The following NHERF2 variants were observed in gnomAD, a reference collection of about 807,000 sequenced individuals.
NHERF2 encodes the protein Na(+)/H(+) exchange regulatory cofactor NHE-RF2.
At chr16:2,038,249 GAGAC>G in the NHERF2 span, 7 of 578,254 alleles carry the variant, frequency 1.2e-5, no homozygotes, top group African/African-American at 7.5e-5. Flanking sequence ...GACACAGAGA[GAGAC>G]AGAGAGAGAG....
the NHERF2 span, chr16:2,035,959 C>G: frequency 8.3e-6 from 2 of 240,878 alleles, no homozygotes; most frequent in Non-Finnish European, 1.6e-5. Flanking sequence ...GGGGGACGCA[C>G]AGGCAGAGCC....
the NHERF2 span, among the ~76,000 whole-genome samples, chr16:2,028,294 T>G: frequency 6.6e-6 from 1 of 152,324 alleles, no homozygotes; most frequent in East Asian, 1.9e-4. Flanking sequence ...GAGTGTCTGC[T>G]GTGTAAGGTT....
At chr16:2,033,438 G>C in the NHERF2 span, 1 of 1,521,548 alleles carries the variant, frequency 6.6e-7, no homozygotes, top group Non-Finnish European at 8.8e-7. Flanking sequence ...TACAGGTCAG[G>C]TGGGGTGGGA....
the NHERF2 span, chr16:2,038,288 G>A: frequency 1.8e-6 from 1 of 543,412 alleles, no homozygotes; most frequent in Non-Finnish European, 3.4e-6. Context: ...GCAGCCGCGG[G>A]GCGAGGGCCT....
chr16:2,029,868 C>T, the NHERF2 span: 4 of 1,219,126 alleles, frequency 3.3e-6, no homozygotes, highest in African/African-American at 1.5e-5. Context: ...CCTTTGGTCA[C>T]CTCCAGAAGT....
chr16:2,037,667 G>C, the NHERF2 span: 20 of 1,576,726 alleles, frequency 1.3e-5, no homozygotes, highest in Non-Finnish European at 1.7e-5. Context: ...AGGCGTCTGT[G>C]GAGATGTCAG....
the NHERF2 span, chr16:2,036,484 C>G: frequency 6.3e-7 from 1 of 1,595,078 alleles, no homozygotes; most frequent in Non-Finnish European, 8.5e-7. Context: ...GGCCTCCGCG[C>G]CCAGGACCGG....
the NHERF2 span, among the ~76,000 whole-genome samples, chr16:2,034,650 AAC>A: frequency 1.1e-3 from 44 of 41,568 alleles, no homozygotes; most frequent in Admixed American, 9.9e-4. Context: ...TCCCCTCCCG[AAC>A]TGGACTCCTG....
the NHERF2 span, among the ~76,000 whole-genome samples, chr16:2,031,224 G>A: frequency 2.0e-5 from 3 of 152,226 alleles, no homozygotes; most frequent in Non-Finnish European, 1.5e-5. Flanking sequence ...TGTGGGACCC[G>A]TTTTGTTCCT....
At chr16:2,032,610 G>T in the NHERF2 span, among the ~76,000 whole-genome samples, 1 of 152,250 alleles carries the variant, frequency 6.6e-6, no homozygotes, top group Non-Finnish European at 1.5e-5. The surrounding 1 kb of genome is among the most constrained non-coding windows in gnomAD (Gnocchi z 4.0). Flanking sequence ...GTGGCTCTCA[G>T]TGTCCTCTGT....
the NHERF2 span, chr16:2,036,732 A>G: frequency 6.2e-7 from 1 of 1,611,914 alleles, no homozygotes; most frequent in Non-Finnish European, 8.5e-7. Flanking sequence ...CGGCAGGTGA[A>G]CGGGCAGAAT....
chr16:2,036,993 G>A, the NHERF2 span: 24 of 1,550,462 alleles, frequency 1.5e-5, no homozygotes, highest in Admixed American at 7.8e-5. Context: ...AACCAGCCCT[G>A]CCCAGGTAAG....
At chr16:2,027,093 G>C in the NHERF2 span, 4 of 1,460,246 alleles carry the variant, frequency 2.7e-6, no homozygotes, top group Non-Finnish European at 3.6e-6. Context: ...CGGCGAGAAG[G>C]GCCGCCGCGG....
the NHERF2 span, chr16:2,036,345 G>A: frequency 5.6e-6 from 9 of 1,610,364 alleles, no homozygotes; most frequent in East Asian, 2.2e-5. Context: ...GCCCCTGAGG[G>A]AGCTGCGCCC....
At chr16:2,036,999 G>A in the NHERF2 span, 2 of 1,550,136 alleles carry the variant, frequency 1.3e-6, no homozygotes, top group East Asian at 2.4e-5. Flanking sequence ...CCCTGCCCAG[G>A]TAAGAGGGTG....
the NHERF2 span, among the ~76,000 whole-genome samples, chr16:2,034,927 C>G: frequency 6.6e-6 from 1 of 152,240 alleles, no homozygotes; most frequent in Non-Finnish European, 1.5e-5. Context: ...CCTGTGCCAC[C>G]AGGTGTGTCT....
the NHERF2 span, among the ~76,000 whole-genome samples, chr16:2,034,916 G>A: frequency 1.3e-5 from 2 of 152,316 alleles, no homozygotes; most frequent in Admixed American, 6.5e-5. Context: ...GAAGCCCCAC[G>A]CCTGTGCCAC....
At chr16:2,033,123 G>A in the NHERF2 span, 2 of 1,399,162 alleles carry the variant, frequency 1.4e-6, no homozygotes, top group East Asian at 5.4e-5. Context: ...TTCCTTTCTT[G>A]GGACGGAAGC....
the NHERF2 span, chr16:2,038,400 A>ACCCC: frequency 3.0e-6 from 1 of 334,708 alleles, no homozygotes; most frequent in Admixed American, 4.9e-5. Context: ...AATACCAGAG[A>ACCCC]CCCCCCCCCT....
Sources: gnomAD v4.1 joint callset for allele counts (sites outside exome capture counted in the v4.1 genomes callset) on GRCh38, gnomAD v4.1.1 for gene constraint, Gnocchi (gnomAD v3.1) non-coding constraint, MANE v1.5 for transcripts, NCBI Gene and HGNC (gene_info 2026-07-23, HGNC 2026-07-21) for gene names.